Variants in RBM6 observed in about 807,000 individuals in gnomAD.
RBM6 encodes RNA-binding protein 6.
Under a neutral mutation model 140.4 loss-of-function variants are expected in RBM6, and 23 were observed. The ratio of observed to expected loss-of-function variants is 0.16; its 90% CI spans 0.12 to 0.23. The LOEUF (loss-of-function observed/expected upper bound fraction) is 0.23. Ranked by LOEUF, RBM6 falls within the 10% of genes least tolerant of loss-of-function variation. RBM6 has a pLI of 1.00. For synonymous variants in RBM6, 439 were observed against 475.6 expected, an observed-to-expected ratio of 0.92 and a Z score of 1.00; for missense variants, 1,139 against 1,386.7, an observed-to-expected ratio of 0.82 and a Z score of 2.84.
chr3:49,955,232 T>A (rs1328907468), intron 1 of RBM6, among the ~76,000 whole-genome samples: 1 of 137,022 alleles, frequency 7.3e-6, no homozygotes, highest in Non-Finnish European at 1.5e-5. Context: ...AGTGGTGTGA[T>A]CTTGGCTTAA....
intron 6 of RBM6, among the ~76,000 whole-genome samples, chr3:50,035,086 C>CT (rs2088448472): frequency 7.2e-6 from 1 of 139,092 alleles, no homozygotes; most frequent in African/African-American, 2.6e-5. Flanking sequence ...CTTTATCTGT[C>CT]TATCTGCTAA....
At chr3:50,005,495 C>CAAAAAAA (rs35202304) in intron 6 of RBM6, among the ~76,000 whole-genome samples, 1 of 101,380 alleles carries the variant, frequency 9.9e-6, no homozygotes. Flanking sequence ...GATCCTGCCT[C>CAAAAAAA]AAAAAAAAAA....
intron 8 of RBM6, 88 bp from the exon 9 acceptor site, chr3:50,057,640 T>G (rs1575833406): frequency 3.7e-5 from 41 of 1,104,230 alleles, no homozygotes; most frequent in African/African-American, 1.6e-5. Flanking sequence ...TGCTGGCAGG[T>G]AAGGAGAAAT....
intron 5 of RBM6, among the ~76,000 whole-genome samples, chr3:49,997,140 A>C (rs1461076157): frequency 6.6e-6 from 1 of 152,078 alleles, no homozygotes; most frequent in Non-Finnish European, 1.5e-5. Context: ...TGGCACAACC[A>C]TGAGTCTTGA....
At chr3:50,055,970 A>G (rs1021991795) in intron 8 of RBM6, among the ~76,000 whole-genome samples, 1 of 152,224 alleles carries the variant, frequency 6.6e-6, no homozygotes, top group East Asian at 1.9e-4. Flanking sequence ...TGACCATAAA[A>G]TATAGTTCAG....
At chr3:49,955,844 G>GTC (rs150607037) in intron 1 of RBM6, among the ~76,000 whole-genome samples, 1,574 of 145,060 alleles carry the variant, frequency 0.011, 14 homozygotes, top group African/African-American at 0.014. Flanking sequence ...CTCTCTCTGT[G>GTC]TCTCTCTCTC....
chr3:49,994,278 G>A (rs1027440938), intron 5 of RBM6, among the ~76,000 whole-genome samples: 3 of 152,000 alleles, frequency 2.0e-5, no homozygotes, highest in African/African-American at 7.2e-5. Context: ...ATATTGCCGA[G>A]GCTGGGACTC....
chr3:49,998,506 G>A (rs1439805785), intron 5 of RBM6, among the ~76,000 whole-genome samples: 2 of 152,178 alleles, frequency 1.3e-5, no homozygotes, highest in African/African-American at 2.4e-5. Context: ...TATTTTTGTA[G>A]TCACATGGTG....
chr3:50,061,912 T>C, intron 14 of RBM6, 50 bp from the exon 15 acceptor site: 1 of 1,588,222 alleles, frequency 6.3e-7, no homozygotes, highest in South Asian at 1.2e-5. Context: ...CTGGAATTGC[T>C]GGGAAACTGA....
chr3:49,946,957 G>C (rs2083513998), intron 1 of RBM6, among the ~76,000 whole-genome samples: 1 of 149,248 alleles, frequency 6.7e-6, no homozygotes, highest in Admixed American at 6.8e-5. Context: ...GTCTGTTCAT[G>C]TTCTTATTGG....
intron 14 of RBM6, 96 bp downstream of exon 14, chr3:50,061,643 T>C (rs2089949083): frequency 6.6e-7 from 1 of 1,516,384 alleles, no homozygotes; most frequent in East Asian, 2.3e-5. Context: ...GAGGATTTTA[T>C]TCCCTGGATT....
At position 49,951,797 on chromosome 3, in the gene RBM6, A is replaced by C. The variant is rs1173274336; in HGVS notation, c.-66-10779A>C. ...GAGTGCAGTGGCACAAACTCGGCTC[A>C]CTGCAACCTCCATCTCCCAGGTTCA... On this transcript the variant is annotated intron_variant, in intron 1 of 20. Coordinates refer to ENST00000266022, the MANE Select transcript of RBM6 (RefSeq NM_005777.3). 2.0e-5 allele frequency among the ~76,000 whole-genome samples: 3 copies of C among 151,942 alleles called. No homozygotes were observed. The East Asian group carries it at 5.8e-4, about 29-fold the overall frequency.
rs377257427 is a variant in RBM6 at position 49,967,360 on chromosome 3, C to CA, written c.45-100dup. 1,666 of 1,309,544 alleles carry CA rather than the reference C, an allele frequency of 1.3e-3. No homozygotes were observed. Among genetic ancestry groups the CA allele is most frequent in the South Asian group, 4.7e-3 (274 of 58,638 alleles). 81.1% of individuals were successfully genotyped at this position (1,309,544 alleles called of 1,614,324 possible). On this transcript the variant is annotated intron_variant, in intron 2 of 20. Transcript: ENST00000266022. The surrounding 1 kb of genome is among the most constrained non-coding windows in gnomAD (Gnocchi z 4.0). The stretch of plus-strand genomic sequence containing the variant: ...CTAGGACCTTGTTACAGAACTCTGC[C>CA]AAAAAAAAAATGTTTACAGAAGAAT...
chr3:49,955,160 CTTTTTTTTTTTTT>C (rs869272546), intron 1 of RBM6, among the ~76,000 whole-genome samples: 1 of 72,706 alleles, frequency 1.4e-5, no homozygotes, highest in Non-Finnish European at 2.3e-5. Context: ...TTTTTTCTTT[CTTTTTTTTTTTTT>C]TTTTTTTTTT....
chr3:49,991,269 T>C (rs2085807582), intron 5 of RBM6, among the ~76,000 whole-genome samples: 2 of 152,196 alleles, frequency 1.3e-5, no homozygotes, highest in South Asian at 4.1e-4. Flanking sequence ...TCCCAGCATG[T>C]AGATGTATTC....
intron 5 of RBM6, among the ~76,000 whole-genome samples, chr3:49,998,055 A>G (rs2086164154): frequency 6.6e-6 from 1 of 152,172 alleles, no homozygotes; most frequent in African/African-American, 2.4e-5. Context: ...TCTTCTTCCT[A>G]GTCATTTTCT....
At chr3:50,035,797 G>A (rs936389891) in intron 6 of RBM6, among the ~76,000 whole-genome samples, 1 of 151,020 alleles carries the variant, frequency 6.6e-6, no homozygotes, top group Non-Finnish European at 1.5e-5. Context: ...GTCTCACTCT[G>A]TTGCCCAGGC....
chr3:50,021,950 G>A (rs917974669), intron 6 of RBM6, among the ~76,000 whole-genome samples: 1 of 151,248 alleles, frequency 6.6e-6, no homozygotes, highest in Admixed American at 6.6e-5. Context: ...TCTAGAGAAG[G>A]GAGGTAGGAG....
In RBM6 at chr3:49,967,279, A is replaced by G; in HGVS notation, c.45-191A>G. ...CTCGTGTTCTGAAATGGGAGCATAA[A>G]AGTTTACTCCGCCACTTCGTCTTAA... is the stretch of plus-strand genomic sequence containing the variant. On this transcript the variant is annotated intron_variant, in intron 2 of 20. Transcript: ENST00000266022. The surrounding 1 kb of genome is among the most constrained non-coding windows in gnomAD (Gnocchi z 4.0). 7.3e-7 allele frequency: 1 copy of G among 1,376,056 alleles called. No individual in the cohort carries two copies. Among genetic ancestry groups the G allele is most frequent in the Non-Finnish European group, 9.4e-7 (1 of 1,067,484 alleles). The allele number at this position is 1,376,056 out of a possible 1,614,324, so 85.2% of individuals were successfully genotyped here.
Sources: gnomAD v4.1 joint callset for allele counts (sites outside exome capture counted in the v4.1 genomes callset) on GRCh38, gnomAD v4.1.1 for gene constraint, Gnocchi (gnomAD v3.1) non-coding constraint, MANE v1.5 for transcripts, NCBI Gene and HGNC (gene_info 2026-07-23, HGNC 2026-07-21) for gene names.